Variants in ASIC2 observed in about 807,000 individuals in gnomAD.
The protein encoded by ASIC2 is acid sensing ion channel subunit 2.
A neutral mutation model predicts 57.3 loss-of-function variants in ASIC2; 25 were observed. The ratio of observed to expected loss-of-function variants is 0.44; its 90% CI spans 0.32 to 0.61. The LOEUF is 0.61. ASIC2 is among the 20% of genes least tolerant of loss of function. The pLI is 0.06. For missense variants in ASIC2, 641 were observed against 738.1 expected (o/e 0.87, Z 1.52); for synonymous variants, 319 against 307.5 (o/e 1.04, Z -0.39).
intron 1 of ASIC2, among the ~76,000 whole-genome samples, chr17:33,789,471 C>CACAT (rs1382036306): frequency 2.2e-5 from 3 of 136,536 alleles, no homozygotes; most frequent in African/African-American, 3.4e-5. Flanking sequence ...TGGTCACACA[C>CACAT]ACACACACAC....
At chr17:34,001,864 A>G (rs1906355359) in intron 1 of ASIC2, 1 of 152,156 alleles carries the variant, frequency 6.6e-6, no homozygotes, top group Middle Eastern at 3.1e-3. Flanking sequence ...TTGCACATGG[A>G]TAGTTGTTCA....
At chr17:33,807,113 A>G (rs1465583536) in intron 1 of ASIC2, among the ~76,000 whole-genome samples, 2 of 152,158 alleles carry the variant, frequency 1.3e-5, no homozygotes, top group Non-Finnish European at 2.9e-5. Context: ...AGGAAAATGC[A>G]GAAATGCTCA....
intron 1 of ASIC2, among the ~76,000 whole-genome samples, chr17:33,542,331 A>G (rs1915437942): frequency 1.4e-5 from 2 of 142,424 alleles, no homozygotes; most frequent in Admixed American, 7.1e-5. Context: ...ACTGACTTCC[A>G]CAATGGTTGA....
At chr17:33,160,128 G>A (rs1905121025) in intron 1 of ASIC2, among the ~76,000 whole-genome samples, 1 of 152,018 alleles carries the variant, frequency 6.6e-6, no homozygotes, top group Non-Finnish European at 1.5e-5. Context: ...AGGATTGCTT[G>A]AGCCTAGGAG....
rs939034468 is a variant in ASIC2, at chr17:34,038,975, T to C, written c.555+117003A>G. The C allele has an allele frequency of 1.9e-6, 3 of 1,613,992 alleles. No homozygotes were observed. In the African/African-American group the frequency reaches 4.0e-5, roughly 22 times the overall value. On this transcript the variant is annotated intron_variant, in intron 1 of 9. Coordinates refer to the ASIC2 transcript ENST00000359872. ...AAATTTGGCTCCGTGTCGGACGTAG[T>C]AAAGTAGCCCAGTCTCAAGCGGTCT...
At position 33,254,494 on chromosome 17, in the gene ASIC2, C is replaced by T. The variant is rs529508934; in HGVS notation, c.708+36914G>A. 5.9e-5 allele frequency among the ~76,000 whole-genome samples: 9 copies of T among 152,302 alleles called. No individual in the cohort carries two copies. The South Asian group carries it at 1.2e-3, about 21-fold the overall frequency. ...AAACCAATAGGCTAGCACCGTCAAG[C>T]CTCATGCAGGCTTTGGATGCACCCA... is the stretch of plus-strand genomic sequence containing the variant. On this transcript the variant is annotated intron_variant, in intron 1 of 9. Coordinates refer to ENST00000225823, the MANE Select transcript of ASIC2 (RefSeq NM_183377.2).
chr17:33,179,979 A>C (rs1050284812), intron 1 of ASIC2, among the ~76,000 whole-genome samples: 2 of 152,220 alleles, frequency 1.3e-5, no homozygotes, highest in Non-Finnish European at 2.9e-5. Context: ...GTTTCAATCT[A>C]TCTGTAATTC....
chr17:34,146,084 G>A (rs1361489929), intron 1 of ASIC2, among the ~76,000 whole-genome samples: 1 of 152,196 alleles, frequency 6.6e-6, no homozygotes, highest in East Asian at 1.9e-4. Flanking sequence ...GCTCTTCGGA[G>A]AAGGGAAACC....
chr17:33,027,724 A>C (rs1233744909), intron 4 of ASIC2, among the ~76,000 whole-genome samples: 1 of 152,222 alleles, frequency 6.6e-6, no homozygotes, highest in Non-Finnish European at 1.5e-5. Context: ...TCCACTCTGC[A>C]CTTCAGCCTC....
intron 1 of ASIC2, among the ~76,000 whole-genome samples, chr17:34,085,081 T>G (rs1418710462): frequency 6.6e-6 from 1 of 152,168 alleles, no homozygotes; most frequent in African/African-American, 2.4e-5. Flanking sequence ...CTATGTTGGA[T>G]AGGAGTGGTG....
chr17:33,578,150 C>A (rs8081920), intron 1 of ASIC2, among the ~76,000 whole-genome samples: 42,806 of 151,988 alleles, frequency 0.28, 6,456 homozygotes, highest in African/African-American at 0.37. Flanking sequence ...AGACCACCTG[C>A]CCTTATTTTA....
At chr17:33,147,713 G>A (rs922567641) in intron 1 of ASIC2, among the ~76,000 whole-genome samples, 2 of 152,132 alleles carry the variant, frequency 1.3e-5, no homozygotes, top group African/African-American at 2.4e-5. Flanking sequence ...GTGAAATCCC[G>A]GGCCAGTGCC....
intron 1 of ASIC2, among the ~76,000 whole-genome samples, chr17:34,074,259 T>C (rs1020021769): frequency 6.6e-6 from 1 of 152,216 alleles, no homozygotes; most frequent in Non-Finnish European, 1.5e-5. Flanking sequence ...GTGCTGCCAT[T>C]AGAGCTCTAT....
chr17:34,037,245 G>C (rs184514747), intron 1 of ASIC2: 5 of 179,692 alleles, frequency 2.8e-5, no homozygotes, highest in Admixed American at 2.7e-4. Context: ...GACTAGCCCA[G>C]TCTGTATTTT....
intron 1 of ASIC2, among the ~76,000 whole-genome samples, chr17:34,048,106 G>A (rs935167115): frequency 9.9e-5 from 15 of 152,186 alleles, no homozygotes; most frequent in African/African-American, 2.4e-4. Flanking sequence ...TCCATTGGGA[G>A]TGTCCACACT....
At chr17:34,026,730 T>C (rs893878232) in intron 1 of ASIC2, among the ~76,000 whole-genome samples, 1 of 152,168 alleles carries the variant, frequency 6.6e-6, no homozygotes, top group African/African-American at 2.4e-5. Flanking sequence ...TGTCAGACCA[T>C]TTAAGCCAAT....
chr17:33,764,178 A>T (rs144665052), intron 1 of ASIC2, among the ~76,000 whole-genome samples: 4,012 of 152,194 alleles, frequency 0.026, 203 homozygotes, highest in African/African-American at 0.091. Flanking sequence ...TTAGCCAGGC[A>T]TGGTGGCGGG....
At chr17:34,100,200 T>TA (rs1555596956) in intron 1 of ASIC2, among the ~76,000 whole-genome samples, 7 of 149,604 alleles carry the variant, frequency 4.7e-5, no homozygotes, top group Non-Finnish European at 7.4e-5. Context: ...TTTTTTTTTT[T>TA]AAATCAATTG....
At chr17:33,064,774 T>C (rs948933734) in intron 3 of ASIC2, among the ~76,000 whole-genome samples, 2 of 152,238 alleles carry the variant, frequency 1.3e-5, no homozygotes, top group African/African-American at 4.8e-5. Flanking sequence ...CTGGGAGCTT[T>C]AGACTGGAGT....
Sources: gnomAD v4.1 joint callset for allele counts (sites outside exome capture counted in the v4.1 genomes callset) on GRCh38, gnomAD v4.1.1 for gene constraint, MANE v1.5 for transcripts, NCBI Gene and HGNC (gene_info 2026-07-23, HGNC 2026-07-21) for gene names.